The following NTRK1 variants were observed in gnomAD, a reference collection of about 807,000 sequenced individuals.
NTRK1 encodes the protein high affinity nerve growth factor receptor.
A neutral mutation model predicts 86.8 loss-of-function variants in NTRK1; 62 were observed. The ratio of observed to expected loss-of-function variants is 0.71; its 90% confidence interval spans 0.58 to 0.88. The LOEUF (loss-of-function observed/expected upper bound fraction) is 0.88. Among genes scored for constraint, NTRK1 ranks in the 40% least tolerant of loss-of-function variants. The probability of loss-of-function intolerance (pLI) is 0.00; values close to 1 mark genes in which losing one functional copy is unlikely to be tolerated. For synonymous variants in NTRK1, 469 were observed against 456.6 expected, an observed-to-expected ratio of 1.03 and a Z score of -0.35; for missense variants, 967 against 1,078.4, an observed-to-expected ratio of 0.90 and a Z score of 1.45.
intron 2 of NTRK1, among the ~76,000 whole-genome samples, chr1:156,847,520 T>C (rs1313032822): frequency 1.3e-5 from 2 of 152,166 alleles, no homozygotes; most frequent in East Asian, 3.8e-4. Context: ...TTTGTTTCTT[T>C]GGACTGGGAA....
At chr1:156,860,746 G>C (rs764215306), upstream of NTRK1, 70 of 1,118,654 alleles carry the variant, frequency 6.3e-5, no homozygotes, top group Non-Finnish European at 7.4e-5. Context: ...GCAGAGGGGG[G>C]GGCGTCAGAG....
chr1:156,871,154 C>T (rs768601341), intron 6 of NTRK1, among the ~76,000 whole-genome samples: 9 of 152,150 alleles, frequency 5.9e-5, no homozygotes, highest in Non-Finnish European at 8.8e-5. Flanking sequence ...ACTTGGGATG[C>T]GTGACATCTG....
At position 156,868,240 on chromosome 1, in the gene NTRK1, G is replaced by A. The variant is rs200167354; in HGVS notation, c.565G>A (p.Ala189Thr). 2.5e-6 allele frequency: 4 copies of A among 1,610,152 alleles called. No homozygotes were observed. The South Asian group carries it at 3.3e-5, about 13-fold the overall frequency. ...GQGPLAHMPNASCGVPTLKVQ... is the reference protein window; with the variant it reads ...GQGPLAHMPNTSCGVPTLKVQ... ...AGGGCCCCTGGCCCACATGCCCAATGCCAGCTGTGGTAGGTGCCGGGTGAG... is the reference window on the plus strand; with the variant it reads ...AGGGCCCCTGGCCCACATGCCCAATACCAGCTGTGGTAGGTGCCGGGTGAG... Residue 189 changes from alanine to threonine, a missense_variant, in exon 5 of 17, where the codon GCC (alanine) becomes ACC (threonine). Around this residue, in one of 2 missense-constraint regions of NTRK1, gnomAD observed 330 missense variants for 302.0 expected, o/e 1.09. Coordinates refer to ENST00000524377, the MANE Select transcript of NTRK1 (RefSeq NM_002529.4).
chr1:156,864,484 G>A lies in NTRK1; in HGVS notation c.287+56G>A, dbSNP rs181823678. ...CTCAGCATGGGCCTGGGGGAGACCAGAAGGTCAGGGAGGGCTCAAGCATCC... is the reference window on the plus strand; with the variant it reads ...CTCAGCATGGGCCTGGGGGAGACCAAAAGGTCAGGGAGGGCTCAAGCATCC... On this transcript the variant is annotated intron_variant, in intron 2 of 16. Transcript: ENST00000524377. 8.5e-4 allele frequency: 1,325 copies of A among 1,567,010 alleles called. 3 individuals are homozygous for A. Among genetic ancestry groups the A allele is most frequent in the Non-Finnish European group, 1.1e-3 (1,200 of 1,138,000 alleles).
At chr1:156,839,614 T>A (rs1222421129) in intron 1 of NTRK1, among the ~76,000 whole-genome samples, 2 of 152,224 alleles carry the variant, frequency 1.3e-5, no homozygotes, top group African/African-American at 4.8e-5. Flanking sequence ...CTGCTGTGTG[T>A]TCCCTGGCTT....
rs1309829121 is a variant in NTRK1, at chr1:156,873,638, G to A, written c.856G>A (p.Ala286Thr). 1.9e-6 allele frequency: 3 copies of A among 1,610,422 alleles called. No homozygotes were observed. The South Asian group carries it at 3.3e-5, about 18-fold the overall frequency. ...TTGCTCTTTCTGGCCCACAGTCCCG[G>A]CCAGTGTGCAGCTGCACACGGCGGT... ...VSVQVNVSFP[A>T]SVQLHTAVEM... is the part of the protein sequence containing the mutation. The change falls in exon 8 of 17, where the codon GCC becomes ACC. Residue 286 changes from alanine (A) to threonine (T), a missense_variant. By Grantham distance (58) the Ala-to-Thr change is moderately conservative. Transcript: ENST00000524377.
chr1:156,879,502 C>CACCAGGAGCCGAGGAGG, intron 15 of NTRK1, 140 bp downstream of exon 15: 4 of 1,160,828 alleles, frequency 3.4e-6, no homozygotes, highest in Non-Finnish European at 4.8e-6. Context: ...AACCTACCTC[C>CACCAGGAGCCGAGGAGG]TCGGCTCCTG....
intron 1 of NTRK1, among the ~76,000 whole-genome samples, chr1:156,827,509 A>G (rs2148906): frequency 0.81 from 123,679 of 151,910 alleles, 50,544 homozygotes; most frequent in African/African-American, 0.89. Context: ...TGATCCATAC[A>G]CCTCGGCCTC....
In NTRK1 at chr1:156,835,351, C is replaced by T. The variant is rs74118776; in HGVS notation, c.-63-6730C>T. Among the ~76,000 whole-genome samples, 491 of 152,250 alleles carry T rather than the reference C, an allele frequency of 3.2e-3. 4 individuals carry two copies. Among genetic ancestry groups the T allele is most frequent in the African/African-American group, 0.011 (468 of 41,514 alleles). ...TATGTGACAGAGCCCGCGATACACA[C>T]CCAGGTAGCGAGGGGACAGAGCAGG... On this transcript the variant is annotated intron_variant, in intron 1 of 16. Coordinates refer to the NTRK1 transcript ENST00000392302.
intron 2 of NTRK1, chr1:156,843,103 G>A (rs544138616): frequency 8.7e-6 from 14 of 1,614,106 alleles, no homozygotes; most frequent in South Asian, 2.2e-5. Flanking sequence ...TCAGGGCCAC[G>A]GGTGTGGACT....
chr1:156,860,827 C>A (rs891982313), upstream of NTRK1: 4 of 1,344,398 alleles, frequency 3.0e-6, no homozygotes, highest in South Asian at 3.8e-5. Context: ...CCTTTCCTGG[C>A]GGCTGGGTCT....
At chr1:156,839,293 A>G (rs1347390253) in intron 1 of NTRK1, among the ~76,000 whole-genome samples, 5 of 152,244 alleles carry the variant, frequency 3.3e-5, no homozygotes, top group Admixed American at 1.3e-4. Flanking sequence ...AGAAAGTCTC[A>G]TCTCGCCAGA....
intron 1 of NTRK1, among the ~76,000 whole-genome samples, chr1:156,829,776 C>T (rs1558077153): frequency 6.6e-6 from 1 of 152,180 alleles, no homozygotes; most frequent in Non-Finnish European, 1.5e-5. Flanking sequence ...CCTCAGCCTC[C>T]TGAGTAGCTG....
chr1:156,853,965 C>A (rs1317535795), intron 2 of NTRK1: 4 of 1,613,162 alleles, frequency 2.5e-6, no homozygotes, highest in Non-Finnish European at 3.4e-6. Flanking sequence ...TGGTTCTTCT[C>A]CACACGCACA....
chr1:156,840,867 T>G (rs1571653691), intron 1 of NTRK1: 2 of 1,599,748 alleles, frequency 1.3e-6, no homozygotes, highest in Non-Finnish European at 1.7e-6. Flanking sequence ...GGGAATGAGG[T>G]GCCCCTCAGT....
intron 16 of NTRK1, among the ~76,000 whole-genome samples, chr1:156,880,778 G>C (rs1221277062): frequency 6.6e-6 from 1 of 152,186 alleles, no homozygotes; most frequent in East Asian, 1.9e-4. Context: ...TGGAATTAGT[G>C]CCGCCCATAA....
Position 156,881,779 on chromosome 1 carries a change from G to C in NTRK1, c.*137G>C. The stretch of plus-strand genomic sequence containing the variant: ...CAGCATGTGGGAAGGGACAGGTGGG[G>C]GCTGGGAGTAGAGGATGTTCCTGCT... On this transcript the variant is annotated 3_prime_UTR_variant, in exon 17 of 17. Coordinates refer to ENST00000524377, the MANE Select transcript of NTRK1 (RefSeq NM_002529.4). 1.2e-6 allele frequency: 1 copy of C among 842,518 alleles called. No individual in the cohort carries two copies. Among genetic ancestry groups the C allele is most frequent in the Non-Finnish European group, 1.8e-6 (1 of 564,758 alleles). 52.2% of individuals were successfully genotyped at this position (842,518 alleles called of 1,614,324 possible).
chr1:156,852,713 C>G (rs967877977), intron 2 of NTRK1, among the ~76,000 whole-genome samples: 3 of 152,206 alleles, frequency 2.0e-5, no homozygotes, highest in Admixed American at 6.5e-5. Flanking sequence ...GCTGGAGGCC[C>G]AATCGCCTAG....
Position 156,876,200 on chromosome 1 carries a change from T to C in NTRK1, c.1622T>C (p.Val541Ala). The change falls in exon 13 of 17, where the codon GTG becomes GCG. Residue 541 changes from valine to alanine, a missense_variant. By Grantham distance (64) the Val-to-Ala change is moderately conservative. Around this residue, in one of 2 missense-constraint regions of NTRK1, gnomAD observed 637 missense variants for 776.5 expected, o/e 0.82. Coordinates refer to ENST00000524377, the MANE Select transcript of NTRK1 (RefSeq NM_002529.4). ...CTGCCTGAGCAGGACAAGATGCTGGTGGCTGTCAAGGTGAGACCCTGCCCC... is the reference window on the plus strand; with the variant it reads ...CTGCCTGAGCAGGACAAGATGCTGGCGGCTGTCAAGGTGAGACCCTGCCCC... ...NLLPEQDKML[V>A]AVKALKEASE... 1 of 1,614,038 alleles carries C rather than the reference T, an allele frequency of 6.2e-7. No homozygotes were observed. The highest frequency in any genetic ancestry group is 2.2e-5 in the East Asian group (1 of 44,876).
Sources: allele counts gnomAD v4.1 joint callset (sites outside exome capture counted in the v4.1 genomes callset), GRCh38; gene constraint gnomAD v4.1.1; regional missense constraint gnomAD v4.1.1; transcripts MANE v1.5; gene names NCBI Gene and HGNC (gene_info 2026-07-23, HGNC 2026-07-21).